Variants in CPNE4 observed in about 807,000 individuals in gnomAD.
CPNE4 encodes copine 4.
A neutral mutation model predicts 67.9 loss-of-function variants in CPNE4; 25 were observed. The observed-to-expected ratio is 0.37, with a 90% CI of 0.27 to 0.51. The LOEUF (loss-of-function observed/expected upper bound fraction) is 0.51, where lower values mean the gene tolerates loss of function less well. Among genes scored for constraint, CPNE4 ranks in the 20% least tolerant of loss-of-function variants. The probability of loss-of-function intolerance (pLI) is 0.93; values close to 1 mark genes in which losing one functional copy is unlikely to be tolerated. For missense variants in CPNE4, 464 were observed against 690.8 expected (o/e 0.67, Z 3.68); for synonymous variants, 242 against 244.9 (o/e 0.99, Z 0.11).
intron 1 of CPNE4, among the ~76,000 whole-genome samples, chr3:132,020,248 G>C (rs923123718): frequency 1.3e-5 from 2 of 152,206 alleles, no homozygotes; most frequent in Non-Finnish European, 2.9e-5. Context: ...CCACAGATGG[G>C]AGGCAGGCAG....
chr3:131,708,424 G>A (rs1257246068), intron 3 of CPNE4, among the ~76,000 whole-genome samples: 15 of 152,152 alleles, frequency 9.9e-5, no homozygotes, highest in Non-Finnish European at 1.8e-4. Context: ...ATGAGTCTGG[G>A]CTCAAAGAAG....
At chr3:132,006,907 C>A (rs1245208862) in intron 1 of CPNE4, among the ~76,000 whole-genome samples, 1 of 152,090 alleles carries the variant, frequency 6.6e-6, no homozygotes, top group East Asian at 1.9e-4. Context: ...GGAATGATAT[C>A]AAAAATGAGT....
chr3:131,680,527 C>T (rs904528010), intron 6 of CPNE4, among the ~76,000 whole-genome samples: 2 of 151,982 alleles, frequency 1.3e-5, no homozygotes, highest in African/African-American at 4.8e-5. Context: ...TTTAATGACT[C>T]TGTCTTGAAA....
chr3:131,675,801 A>G (rs1037628348), intron 6 of CPNE4, among the ~76,000 whole-genome samples: 6 of 151,678 alleles, frequency 4.0e-5, no homozygotes, highest in African/African-American at 9.7e-5. Flanking sequence ...ATTACATTCA[A>G]TGTTATTATC....
chr3:131,737,381 A>C (rs1043404061), intron 2 of CPNE4, among the ~76,000 whole-genome samples: 1 of 150,702 alleles, frequency 6.6e-6, no homozygotes, highest in Admixed American at 6.6e-5. Context: ...TCCCACTAAT[A>C]CTCTGGCATC....
intron 10 of CPNE4, 70 bp from the exon 11 acceptor site, chr3:131,564,419 T>C (rs1582806505): frequency 1.4e-6 from 2 of 1,480,554 alleles, no homozygotes; most frequent in Non-Finnish European, 1.8e-6. Flanking sequence ...TGATCAGTCA[T>C]GAGAGAGACC....
intron 2 of CPNE4, among the ~76,000 whole-genome samples, chr3:131,900,450 A>G (rs985987343): frequency 6.6e-6 from 1 of 152,124 alleles, no homozygotes; most frequent in Non-Finnish European, 1.5e-5. Context: ...CCCCCTCCAC[A>G]TAAAGGTAAC....
chr3:131,729,788 C>T (rs950929190), intron 2 of CPNE4, among the ~76,000 whole-genome samples: 4 of 152,154 alleles, frequency 2.6e-5, no homozygotes, highest in Non-Finnish European at 5.9e-5. Context: ...CCACATGGAC[C>T]AGGGGTTCCT....
rs181865751 is a variant in CPNE4, at chr3:131,594,855, G to A, written c.682-7273C>T. 6.1e-3 allele frequency among the ~76,000 whole-genome samples: 934 copies of A among 152,152 alleles called. 3 individuals are homozygous for A. The highest frequency in any genetic ancestry group is 8.5e-3 in the Non-Finnish European group (580 of 67,990). On this transcript the variant is annotated intron_variant, in intron 7 of 15. Coordinates refer to ENST00000429747, the MANE Select transcript of CPNE4 (RefSeq NM_130808.3). ...GAAACTCCTACAACTTAACTTAATA[G>A]CAAAACAAACAAAAAACTCAATTAA...
chr3:131,872,885 C>G (rs932502206), intron 2 of CPNE4, among the ~76,000 whole-genome samples: 2 of 152,168 alleles, frequency 1.3e-5, no homozygotes, highest in African/African-American at 4.8e-5. Flanking sequence ...GTCCCTCAGC[C>G]TTCAAATTTT....
At chr3:132,016,980 C>A (rs964386611) in intron 1 of CPNE4, among the ~76,000 whole-genome samples, 1 of 152,064 alleles carries the variant, frequency 6.6e-6, no homozygotes, top group Admixed American at 6.6e-5. Flanking sequence ...CAGCAAATTG[C>A]ATGTGGTAGG....
chr3:131,929,218 A>AAACG (rs147184357), intron 1 of CPNE4, among the ~76,000 whole-genome samples: 2 of 137,724 alleles, frequency 1.5e-5, no homozygotes. Flanking sequence ...AAAAAAAAAA[A>AAACG]GATTTTCAGA....
chr3:131,857,115 G>A (rs1047418896), intron 2 of CPNE4, among the ~76,000 whole-genome samples: 9 of 152,016 alleles, frequency 5.9e-5, no homozygotes, highest in African/African-American at 2.2e-4. Flanking sequence ...ATGAGAGAAA[G>A]ATTAGAAATC....
intron 11 of CPNE4, among the ~76,000 whole-genome samples, chr3:131,558,178 A>C (rs1174007744): frequency 6.6e-6 from 1 of 152,018 alleles, no homozygotes; most frequent in East Asian, 1.9e-4. Context: ...AGGAGGGATA[A>C]ATTCTCTGAA....
chr3:131,831,306 C>T (rs565887234), intron 2 of CPNE4, among the ~76,000 whole-genome samples: 2 of 152,208 alleles, frequency 1.3e-5, no homozygotes, highest in Non-Finnish European at 1.5e-5. Flanking sequence ...TCTAGCATCA[C>T]ATCTAAAACA....
chr3:131,754,986 G>A (rs1045643985), intron 2 of CPNE4, among the ~76,000 whole-genome samples: 2 of 152,144 alleles, frequency 1.3e-5, no homozygotes, highest in African/African-American at 4.8e-5. Flanking sequence ...AACAGGAAAT[G>A]AGGGTGGTGG....
chr3:131,719,576 C>G (rs903178945), intron 3 of CPNE4, among the ~76,000 whole-genome samples: 1 of 152,130 alleles, frequency 6.6e-6, no homozygotes, highest in Non-Finnish European at 1.5e-5. Flanking sequence ...TTTTTAGTTC[C>G]TCATATGTGC....
At chr3:131,640,915 G>A (rs1264853160) in intron 7 of CPNE4, among the ~76,000 whole-genome samples, 1 of 152,070 alleles carries the variant, frequency 6.6e-6, no homozygotes, top group African/African-American at 2.4e-5. Context: ...ATAAAGCAGG[G>A]AAAGGACACT....
At chr3:131,633,400 T>C (rs756668572) in intron 7 of CPNE4, among the ~76,000 whole-genome samples, 1 of 152,084 alleles carries the variant, frequency 6.6e-6, no homozygotes, top group African/African-American at 2.4e-5. Context: ...GAAATCTTTA[T>C]AAAAGTTGAC....
Sources: gnomAD v4.1 joint callset for allele counts (sites outside exome capture counted in the v4.1 genomes callset) on GRCh38, gnomAD v4.1.1 for gene constraint, MANE v1.5 for transcripts, NCBI Gene and HGNC (gene_info 2026-07-23, HGNC 2026-07-21) for gene names.